The following SLC2A13 variants were observed in gnomAD, a reference collection of about 807,000 sequenced individuals.
SLC2A13 encodes the protein solute carrier family 2 member 13.
Under a neutral mutation model 64.4 loss-of-function variants are expected in SLC2A13, and 32 were observed. The observed-to-expected ratio is 0.50, with a 90% CI of 0.37 to 0.67. The LOEUF (loss-of-function observed/expected upper bound fraction) is 0.67, where lower values mean the gene tolerates loss of function less well. SLC2A13 is among the 30% of genes least tolerant of loss of function. SLC2A13 has a pLI of 0.00. For synonymous variants in SLC2A13, 338 were observed against 327.1 expected (o/e 1.03, Z -0.36); for missense variants, 743 against 829.2 (o/e 0.90, Z 1.28).
chr12:39,897,412 C>A (rs1048875770), intron 4 of SLC2A13, among the ~76,000 whole-genome samples: 7 of 152,134 alleles, frequency 4.6e-5, no homozygotes, highest in African/African-American at 4.8e-5. Context: ...CCCAAGCATG[C>A]AGAAAAAAGA....
At chr12:40,089,620 C>T (rs1053474606) in intron 1 of SLC2A13, among the ~76,000 whole-genome samples, 3 of 152,160 alleles carry the variant, frequency 2.0e-5, no homozygotes, top group Admixed American at 6.5e-5. Context: ...CACTGACCGC[C>T]TCCCTGTATA....
At chr12:39,975,135 G>A (rs1013212792) in intron 3 of SLC2A13, among the ~76,000 whole-genome samples, 14 of 152,114 alleles carry the variant, frequency 9.2e-5, no homozygotes, top group Admixed American at 7.9e-4. Flanking sequence ...AATACCTTCA[G>A]TTTAGACAAA....
intron 3 of SLC2A13, among the ~76,000 whole-genome samples, chr12:39,997,586 T>G (rs1947252865): frequency 6.6e-6 from 1 of 152,108 alleles, no homozygotes; most frequent in African/African-American, 2.4e-5. Context: ...ATCTCAGCAC[T>G]TTGGGAGGCC....
chr12:39,761,735 C>T (rs990435551), intron 9 of SLC2A13, among the ~76,000 whole-genome samples: 1 of 151,678 alleles, frequency 6.6e-6, no homozygotes, highest in South Asian at 2.1e-4. Flanking sequence ...GGGACAAAGA[C>T]GGGATAGTAA....
chr12:39,960,546 A>AT (rs909111662), intron 3 of SLC2A13, among the ~76,000 whole-genome samples: 1 of 151,864 alleles, frequency 6.6e-6, no homozygotes, highest in Non-Finnish European at 1.5e-5. Flanking sequence ...TGCCTGGCTA[A>AT]TTTTTTTATT....
intron 6 of SLC2A13, among the ~76,000 whole-genome samples, chr12:39,831,382 A>G (rs191116940): frequency 6.6e-6 from 1 of 152,320 alleles, no homozygotes; most frequent in East Asian, 1.9e-4. Context: ...CAGTCAGCAC[A>G]GACTTATTAA....
At chr12:40,087,534 A>G (rs981903776) in intron 1 of SLC2A13, among the ~76,000 whole-genome samples, 2 of 152,152 alleles carry the variant, frequency 1.3e-5, no homozygotes, top group Non-Finnish European at 2.9e-5. Context: ...ATTTCTACAC[A>G]TTCTTCTGTT....
intron 1 of SLC2A13, among the ~76,000 whole-genome samples, chr12:40,053,686 T>A (rs1180383326): frequency 3.3e-5 from 5 of 152,166 alleles, no homozygotes; most frequent in African/African-American, 9.7e-5. Context: ...CAACTGAGTA[T>A]GATTAATTGT....
intron 3 of SLC2A13, among the ~76,000 whole-genome samples, chr12:40,003,901 G>A (rs991195970): frequency 6.6e-6 from 1 of 151,878 alleles, no homozygotes; most frequent in Non-Finnish European, 1.5e-5. Context: ...GCTGAGGAAG[G>A]AGAATCGCTA....
intron 6 of SLC2A13, among the ~76,000 whole-genome samples, chr12:39,852,245 G>T (rs1483819480): frequency 6.6e-6 from 1 of 152,166 alleles, no homozygotes; most frequent in Non-Finnish European, 1.5e-5. Context: ...AAATAAAGAT[G>T]GACCCGTCTC....
chr12:39,824,502 T>G (rs925838837), intron 7 of SLC2A13, among the ~76,000 whole-genome samples: 1 of 152,066 alleles, frequency 6.6e-6, no homozygotes, highest in African/African-American at 2.4e-5. Flanking sequence ...TCAATCGGAG[T>G]CAGTTACCAG....
intron 1 of SLC2A13, among the ~76,000 whole-genome samples, chr12:40,079,570 G>A (rs1412932605): frequency 6.6e-6 from 1 of 152,182 alleles, no homozygotes; most frequent in Non-Finnish European, 1.5e-5. Flanking sequence ...TGAGAAGAAT[G>A]TACATTCTGT....
intron 1 of SLC2A13, among the ~76,000 whole-genome samples, chr12:40,099,614 G>A (rs2896905): frequency 0.35 from 53,796 of 152,018 alleles, 9,692 homozygotes; most frequent in Non-Finnish European, 0.39. Flanking sequence ...CATAACTCAC[G>A]TTAACAGACT....
At chr12:40,098,690 A>G (rs1939044182) in intron 1 of SLC2A13, among the ~76,000 whole-genome samples, 2 of 152,252 alleles carry the variant, frequency 1.3e-5, no homozygotes, top group South Asian at 4.1e-4. Context: ...CTTTGTGATC[A>G]TGAGAAAGTT....
chr12:39,933,569 ATAC>A (rs1440551111), intron 4 of SLC2A13, among the ~76,000 whole-genome samples: 5 of 152,210 alleles, frequency 3.3e-5, no homozygotes, highest in African/African-American at 1.2e-4. Flanking sequence ...TATAAGGTAC[ATAC>A]TACTTAACAG....
rs528968641 is a variant in SLC2A13, at chr12:39,968,089, C to T, written c.926-16724G>A. On this transcript the variant is annotated intron_variant, in intron 3 of 9. Coordinates refer to ENST00000280871, the MANE Select transcript of SLC2A13 (RefSeq NM_052885.4). ...TCTATTCTCATATTGCTAATAAAGA[C>T]ATACCCGAGATTGGGTAATTTCTAA... Among the ~76,000 whole-genome samples the T allele has an allele frequency of 8.5e-5, 13 of 152,240 alleles. No homozygotes were observed. In the South Asian group the frequency reaches 2.5e-3, roughly 29 times the overall value.
chr12:40,089,364 T>C (rs760511365), intron 1 of SLC2A13, among the ~76,000 whole-genome samples: 2 of 152,190 alleles, frequency 1.3e-5, no homozygotes, highest in Non-Finnish European at 2.9e-5. Context: ...TGAACTCTCA[T>C]AGAAGTTACA....
intron 1 of SLC2A13, among the ~76,000 whole-genome samples, chr12:40,097,059 A>T (rs1938969010): frequency 6.6e-6 from 1 of 152,144 alleles, no homozygotes; most frequent in South Asian, 2.1e-4. Flanking sequence ...CCTTTAATTC[A>T]TACTTAAACT....
At chr12:39,833,296 A>G (rs1942909922) in intron 6 of SLC2A13, among the ~76,000 whole-genome samples, 1 of 152,078 alleles carries the variant, frequency 6.6e-6, no homozygotes, top group African/African-American at 2.4e-5. Context: ...AAGTTTGCTG[A>G]TCCCTAATCT....
Sources: gnomAD v4.1 joint callset for allele counts (sites outside exome capture counted in the v4.1 genomes callset) on GRCh38, gnomAD v4.1.1 for gene constraint, MANE v1.5 for transcripts, NCBI Gene and HGNC (gene_info 2026-07-23, HGNC 2026-07-21) for gene names.